The following DAB1 variants were observed in gnomAD, a reference collection of about 807,000 sequenced individuals.
The protein encoded by DAB1 is disabled homolog 1.
In DAB1, 15 loss-of-function variants were observed where a neutral mutation model predicts 64.6. That is an observed-to-expected ratio of 0.23 (90% CI 0.16 to 0.36). The LOEUF (loss-of-function observed/expected upper bound fraction) is 0.36, where lower values mean the gene tolerates loss of function less well. Ranked by LOEUF, DAB1 falls within the 10% of genes least tolerant of loss-of-function variation. The pLI, the probability that DAB1 is intolerant of heterozygous loss-of-function variation, is 1.00. For synonymous variants in DAB1, 235 were observed against 251.9 expected, an observed-to-expected ratio of 0.93 and a Z score of 0.64; for missense variants, 596 against 706.7, an observed-to-expected ratio of 0.84 and a Z score of 1.78.
intron 6 of DAB1, among the ~76,000 whole-genome samples, chr1:57,801,678 G>A (rs1190243384): frequency 6.6e-6 from 1 of 151,152 alleles, no homozygotes; most frequent in African/African-American, 2.4e-5. Flanking sequence ...TTTTTTTTGA[G>A]ACACGATCTT....
intron 5 of DAB1, among the ~76,000 whole-genome samples, chr1:58,137,428 T>G (rs1382831876): frequency 6.6e-6 from 1 of 152,116 alleles, no homozygotes; most frequent in Non-Finnish European, 1.5e-5. Context: ...TCATATCCAT[T>G]CATCACCATC....
intron 5 of DAB1, among the ~76,000 whole-genome samples, chr1:58,001,703 C>T (rs1325445): frequency 0.016 from 2,440 of 152,260 alleles, 30 homozygotes; most frequent in South Asian, 0.031. Context: ...TCTGGGAGTA[C>T]TATGGATCCA....
At chr1:57,552,238 A>G (rs1644922695) in intron 7 of DAB1, among the ~76,000 whole-genome samples, 1 of 152,198 alleles carries the variant, frequency 6.6e-6, no homozygotes, top group South Asian at 2.1e-4. Context: ...TATTCTAATA[A>G]GTCCCAATTT....
intron 9 of DAB1, among the ~76,000 whole-genome samples, chr1:57,046,608 T>C (rs1409944635): frequency 6.6e-6 from 1 of 152,178 alleles, no homozygotes; most frequent in Non-Finnish European, 1.5e-5. Flanking sequence ...GCTCTGCTCG[T>C]TAGAGATGCT....
intron 4 of DAB1, among the ~76,000 whole-genome samples, chr1:58,256,161 C>T (rs1660923859): frequency 6.6e-6 from 1 of 152,228 alleles, no homozygotes; most frequent in Non-Finnish European, 1.5e-5. Context: ...TTTTCTCCCT[C>T]TCCAGTGCAA....
intron 7 of DAB1, among the ~76,000 whole-genome samples, chr1:57,449,354 C>T (rs1316105517): frequency 6.6e-6 from 1 of 151,088 alleles, no homozygotes; most frequent in East Asian, 1.9e-4. Flanking sequence ...AGTCTCTGAC[C>T]CCTTCTTTTA....
intron 6 of DAB1, among the ~76,000 whole-genome samples, chr1:57,724,286 CGAAG>C (rs761987366): frequency 0.079 from 8,636 of 109,490 alleles, 851 homozygotes; most frequent in African/African-American, 0.33. Flanking sequence ...AAGGAAGGAA[CGAAG>C]GAAGGAAGGA....
At chr1:58,252,039 T>A (rs562497474) in intron 4 of DAB1, among the ~76,000 whole-genome samples, 10 of 152,240 alleles carry the variant, frequency 6.6e-5, no homozygotes, top group Non-Finnish European at 1.3e-4. Context: ...GAGTATCCTT[T>A]TCCTTAACTG....
At chr1:57,094,480 G>A (rs774222449) in intron 4 of DAB1, among the ~76,000 whole-genome samples, 18 of 152,140 alleles carry the variant, frequency 1.2e-4, no homozygotes, top group Non-Finnish European at 2.2e-4. Flanking sequence ...ACCATCTACC[G>A]AGGTAAGAGG....
chr1:57,339,590 C>T (rs1453432718), intron 1 of DAB1, among the ~76,000 whole-genome samples: 1 of 152,186 alleles, frequency 6.6e-6, no homozygotes, highest in African/African-American at 2.4e-5. Context: ...TGATTACAGA[C>T]CAATGATTTC....
chr1:57,885,085 T>C (rs1019428545), upstream of DAB1, among the ~76,000 whole-genome samples: 1 of 152,206 alleles, frequency 6.6e-6, no homozygotes, highest in Non-Finnish European at 1.5e-5. Flanking sequence ...TATTCCTTTA[T>C]AGAAACACAA....
At chr1:57,923,225 A>T (rs1417295098) in intron 5 of DAB1, among the ~76,000 whole-genome samples, 1 of 152,158 alleles carries the variant, frequency 6.6e-6, no homozygotes, top group Non-Finnish European at 1.5e-5. Flanking sequence ...TCCTGCCGAT[A>T]TCAAATAGAG....
chr1:57,392,071 T>C lies in DAB1; in HGVS notation c.-137+31859A>G, dbSNP rs149090790. On this transcript the variant is annotated intron_variant, in intron 1 of 14. Transcript: ENST00000371236. ...CAGAAGTCAGCCCAAACTTCCCTAG[T>C]CATGTAACAAAGCATGTAATGGCCA... 1.7e-4 allele frequency among the ~76,000 whole-genome samples: 26 copies of C among 152,234 alleles called. No individual in the cohort carries two copies. The East Asian group carries it at 5.0e-3, about 30-fold the overall frequency.
At chr1:57,060,353 T>C (rs2100561106) in intron 9 of DAB1, among the ~76,000 whole-genome samples, 1 of 152,096 alleles carries the variant, frequency 6.6e-6, no homozygotes, top group African/African-American at 2.4e-5. Context: ...GGTTTCACCA[T>C]GCTGGCCAGG....
intron 6 of DAB1, among the ~76,000 whole-genome samples, chr1:57,785,904 A>G (rs1650315710): frequency 6.6e-6 from 1 of 152,208 alleles, no homozygotes; most frequent in South Asian, 2.1e-4. Context: ...ATCAAACAGC[A>G]TCACATGTAT....
At chr1:57,288,313 G>T (rs1672495828) in intron 2 of DAB1, among the ~76,000 whole-genome samples, 1 of 152,146 alleles carries the variant, frequency 6.6e-6, no homozygotes, top group South Asian at 2.1e-4. Context: ...TGAAGAGGAT[G>T]GGGGATGGGG....
intron 1 of DAB1, among the ~76,000 whole-genome samples, chr1:57,292,474 T>C (rs537529397): frequency 6.6e-6 from 1 of 152,146 alleles, no homozygotes; most frequent in Non-Finnish European, 1.5e-5. Flanking sequence ...CATGAAACCA[T>C]ACACAGAAAA....
chr1:57,098,751 A>G (rs183877982), intron 4 of DAB1, among the ~76,000 whole-genome samples: 69 of 152,330 alleles, frequency 4.5e-4, no homozygotes, highest in African/African-American at 1.6e-3. Context: ...ATAATAATGT[A>G]AATAATTATT....
At chr1:57,206,968 C>CTT (rs201111039) in intron 2 of DAB1, among the ~76,000 whole-genome samples, 1,574 of 84,456 alleles carry the variant, frequency 0.019, 67 homozygotes, top group African/African-American at 0.062. Flanking sequence ...TCCTTCCTTC[C>CTT]TTTTTTTTTT....
Sources: gnomAD v4.1 joint callset for allele counts (sites outside exome capture counted in the v4.1 genomes callset) on GRCh38, gnomAD v4.1.1 for gene constraint, MANE v1.5 for transcripts, NCBI Gene and HGNC (gene_info 2026-07-23, HGNC 2026-07-21) for gene names.